SGCZ: variants seen among roughly 807,000 people sequenced by gnomAD.
SGCZ encodes sarcoglycan zeta.
SGCZ carries 40 observed loss-of-function variants against 41.3 expected under a neutral mutation model. The ratio of observed to expected loss-of-function variants is 0.97; its 90% confidence interval spans 0.75 to 1.26. The LOEUF (loss-of-function observed/expected upper bound fraction) is 1.26, where lower values mean the gene tolerates loss of function less well. SGCZ is among the 50% of genes most tolerant of loss of function. The pLI is 0.00. For missense variants in SGCZ, 552 were observed against 369.8 expected (o/e 1.49, Z -4.04); for synonymous variants, 206 against 137.5 (o/e 1.50, Z -3.49).
At chr8:15,192,624 T>C (rs1800579889) in intron 1 of SGCZ, among the ~76,000 whole-genome samples, 1 of 152,130 alleles carries the variant, frequency 6.6e-6, no homozygotes, top group Admixed American at 6.5e-5. Context: ...TTTACTGGCA[T>C]CAATGCCAAA....
intron 1 of SGCZ, among the ~76,000 whole-genome samples, chr8:15,211,997 A>G (rs1801250583): frequency 6.6e-6 from 1 of 152,166 alleles, no homozygotes; most frequent in Non-Finnish European, 1.5e-5. Context: ...ATGAAATGTT[A>G]TCAGATAAGG....
rs146937414 is a variant in SGCZ at position 14,496,199 on chromosome 8, G to C, written c.234+58533C>G. ...TCCTGCCTCAGCCTCCTGAGTAGATGGGACTTCAGGTGCACAACATCATGC... is the reference window on the plus strand; with the variant it reads ...TCCTGCCTCAGCCTCCTGAGTAGATCGGACTTCAGGTGCACAACATCATGC... On this transcript the variant is annotated intron_variant, in intron 2 of 7. Coordinates refer to ENST00000382080, the MANE Select transcript of SGCZ (RefSeq NM_139167.4). 1.2e-4 allele frequency among the ~76,000 whole-genome samples: 18 copies of C among 152,038 alleles called. No individual in the cohort carries two copies. In the East Asian group the frequency reaches 3.5e-3, roughly 30 times the overall value.
At chr8:14,903,096 G>T (rs931810633) in intron 1 of SGCZ, among the ~76,000 whole-genome samples, 1 of 152,064 alleles carries the variant, frequency 6.6e-6, no homozygotes, top group Non-Finnish European at 1.5e-5. Flanking sequence ...GAGGCAGAGG[G>T]TTCTGGTTTC....
chr8:14,119,375 G>GTGTT (rs143583970), intron 5 of SGCZ, among the ~76,000 whole-genome samples: 18,552 of 151,986 alleles, frequency 0.12, 1,280 homozygotes, highest in Middle Eastern at 0.23. Context: ...TCTATTATTG[G>GTGTT]TGTTAGGAAT....
chr8:14,938,310 G>A (rs1313429004), intron 1 of SGCZ, among the ~76,000 whole-genome samples: 6 of 152,086 alleles, frequency 3.9e-5, no homozygotes, highest in Non-Finnish European at 7.4e-5. Flanking sequence ...TTCGAACTGT[G>A]CTGGTCTACT....
At chr8:15,212,063 A>G (rs1801252959) in intron 1 of SGCZ, among the ~76,000 whole-genome samples, 2 of 152,162 alleles carry the variant, frequency 1.3e-5, no homozygotes. Context: ...TCGTGAATAG[A>G]AAAGATGCAA....
intron 1 of SGCZ, among the ~76,000 whole-genome samples, chr8:14,922,358 G>T (rs1038874014): frequency 3.3e-5 from 5 of 152,134 alleles, no homozygotes; most frequent in Non-Finnish European, 7.4e-5. Context: ...GCACTCAGAT[G>T]TGCTTACAGA....
chr8:15,012,058 T>C (rs1398477741), intron 1 of SGCZ, among the ~76,000 whole-genome samples: 1 of 152,340 alleles, frequency 6.6e-6, no homozygotes, highest in South Asian at 2.1e-4. Flanking sequence ...AATCGCATTA[T>C]TGCAAACCTC....
intron 1 of SGCZ, among the ~76,000 whole-genome samples, chr8:15,038,972 C>G (rs796571439): frequency 6.6e-6 from 1 of 151,848 alleles, no homozygotes; most frequent in Non-Finnish European, 1.5e-5. Context: ...ACTAAAAGGG[C>G]AAAAGATAAA....
At chr8:14,604,240 A>G (rs1805677567) in intron 1 of SGCZ, among the ~76,000 whole-genome samples, 2 of 152,140 alleles carry the variant, frequency 1.3e-5, no homozygotes, top group Admixed American at 1.3e-4. Flanking sequence ...AAGAAGAAGA[A>G]TGAAAAATCA....
intron 4 of SGCZ, among the ~76,000 whole-genome samples, chr8:14,181,198 C>G (rs1338917464): frequency 3.3e-5 from 5 of 152,088 alleles, no homozygotes; most frequent in African/African-American, 7.2e-5. Context: ...ACTAAATACC[C>G]GTGTTTTCAA....
At chr8:14,309,182 T>C in intron 3 of SGCZ, 2 of 1,480,508 alleles carry the variant, frequency 1.4e-6, no homozygotes, top group Non-Finnish European at 1.9e-6. Flanking sequence ...AAGCAAAACT[T>C]GGCAAGCAAA....
intron 1 of SGCZ, among the ~76,000 whole-genome samples, chr8:15,035,967 C>A (rs1389473802): frequency 2.0e-5 from 3 of 151,116 alleles, no homozygotes; most frequent in African/African-American, 4.9e-5. Context: ...AAACTTAGCC[C>A]AAAGATAGTA....
At chr8:14,636,756 A>G (rs540540999) in intron 1 of SGCZ, among the ~76,000 whole-genome samples, 6 of 152,018 alleles carry the variant, frequency 3.9e-5, no homozygotes, top group African/African-American at 1.2e-4. Flanking sequence ...TGACTAAATG[A>G]GATTGCATGA....
intron 2 of SGCZ, among the ~76,000 whole-genome samples, chr8:14,528,175 T>C (rs1208586739): frequency 1.3e-5 from 2 of 152,032 alleles, no homozygotes; most frequent in Non-Finnish European, 2.9e-5. Context: ...AAAAAATAGA[T>C]TGATACCAAA....
intron 1 of SGCZ, among the ~76,000 whole-genome samples, chr8:15,164,436 T>G (rs1408378322): frequency 1.3e-5 from 2 of 152,050 alleles, no homozygotes; most frequent in Admixed American, 6.5e-5. Context: ...GTCCACGGGT[T>G]TGGGAGCCAC....
rs991888722 is a variant in SGCZ, at chr8:15,066,299, A to C, written c.39+171286T>G. ...GTCCGCAGTCCGGCCTGGGCGACAGAGCGAGACTCCGTCTCCAAAAAAAAA... is the reference window on the plus strand; with the variant it reads ...GTCCGCAGTCCGGCCTGGGCGACAGCGCGAGACTCCGTCTCCAAAAAAAAA... On this transcript the variant is annotated intron_variant, in intron 1 of 7. Coordinates refer to ENST00000382080, the MANE Select transcript of SGCZ (RefSeq NM_139167.4). Among the ~76,000 whole-genome samples the C allele has an allele frequency of 5.0e-5, 7 of 139,150 alleles. No homozygotes were observed. In the Admixed American group the frequency reaches 5.4e-4, roughly 11 times the overall value. 91.3% of individuals were successfully genotyped at this position (139,150 alleles called of 152,430 possible). A position where few individuals can be genotyped will look rare whatever the true frequency, so the allele number is the denominator to read the frequency against.
intron 2 of SGCZ, among the ~76,000 whole-genome samples, chr8:14,371,596 G>A (rs1277597070): frequency 6.6e-6 from 1 of 151,932 alleles, no homozygotes; most frequent in African/African-American, 2.4e-5. Context: ...CTTTCCCCAG[G>A]GGTAAAGAAA....
intron 2 of SGCZ, among the ~76,000 whole-genome samples, chr8:14,419,954 T>C (rs1055258667): frequency 1.3e-5 from 2 of 152,080 alleles, no homozygotes; most frequent in South Asian, 2.1e-4. Flanking sequence ...AATGGTTTAT[T>C]TTCTGCTTCA....
Sources: gnomAD v4.1 joint callset for allele counts (sites outside exome capture counted in the v4.1 genomes callset) on GRCh38, gnomAD v4.1.1 for gene constraint, MANE v1.5 for transcripts, NCBI Gene and HGNC (gene_info 2026-07-23, HGNC 2026-07-21) for gene names.